The following SGCZ variants were observed in gnomAD, a reference collection of about 807,000 sequenced individuals.
The protein encoded by SGCZ is sarcoglycan zeta, also known as zeta-sarcoglycan.
In SGCZ, 40 loss-of-function variants were observed where a neutral mutation model predicts 41.3. The observed-to-expected ratio is 0.97, with a 90% CI of 0.75 to 1.26. The LOEUF is 1.26. Among genes scored for constraint, SGCZ ranks in the 50% most tolerant of loss-of-function variants. SGCZ has a pLI of 0.00. For missense variants in SGCZ, 552 were observed against 369.8 expected, an observed-to-expected ratio of 1.49 and a Z score of -4.04; for synonymous variants, 206 against 137.5, an observed-to-expected ratio of 1.50 and a Z score of -3.49.
chr8:14,842,494 AGAAAGGAAG>A (rs1802958124), intron 1 of SGCZ, among the ~76,000 whole-genome samples: 1 of 151,176 alleles, frequency 6.6e-6, no homozygotes, highest in South Asian at 2.1e-4. Flanking sequence ...AAAGGAAGGA[AGAAAGGAAG>A]GAAAGGAAGG....
At chr8:14,982,157 C>CA (rs10710626) in intron 1 of SGCZ, among the ~76,000 whole-genome samples, 19 of 138,580 alleles carry the variant, frequency 1.4e-4, no homozygotes, top group Admixed American at 2.9e-4. Flanking sequence ...GACTCTGTCT[C>CA]AAAAAAAAAA....
chr8:15,101,090 T>G (rs1398927916), intron 1 of SGCZ, among the ~76,000 whole-genome samples: 1 of 152,174 alleles, frequency 6.6e-6, no homozygotes, highest in Non-Finnish European at 1.5e-5. Flanking sequence ...ACTTATACTT[T>G]TCATACATAT....
chr8:14,784,504 T>A (rs988333406), intron 1 of SGCZ, among the ~76,000 whole-genome samples: 3 of 152,120 alleles, frequency 2.0e-5, no homozygotes, highest in Admixed American at 1.3e-4. Context: ...TAACTCATAA[T>A]GGTCTCTGAG....
At chr8:14,492,390 G>C (rs926858349) in intron 2 of SGCZ, among the ~76,000 whole-genome samples, 1 of 152,096 alleles carries the variant, frequency 6.6e-6, no homozygotes, top group African/African-American at 2.4e-5. Context: ...TTACTGCACA[G>C]TGCTTATTAT....
intron 2 of SGCZ, among the ~76,000 whole-genome samples, chr8:14,347,310 G>A (rs1411550021): frequency 1.3e-5 from 2 of 152,008 alleles, no homozygotes; most frequent in Admixed American, 6.6e-5. Context: ...TTTTACTGAG[G>A]ATTCCTACAA....
intron 1 of SGCZ, among the ~76,000 whole-genome samples, chr8:14,760,849 G>A (rs1419203576): frequency 6.6e-6 from 1 of 152,066 alleles, no homozygotes; most frequent in Non-Finnish European, 1.5e-5. Context: ...TTAATTGAGG[G>A]CCCTGTTTCC....
chr8:15,211,112 G>C (rs1439049117), intron 1 of SGCZ, among the ~76,000 whole-genome samples: 1 of 149,006 alleles, frequency 6.7e-6, no homozygotes, highest in African/African-American at 2.5e-5. Flanking sequence ...GCTATATCTA[G>C]ATATTGATGT....
At chr8:14,846,407 T>C (rs916478119) in intron 1 of SGCZ, among the ~76,000 whole-genome samples, 2 of 152,010 alleles carry the variant, frequency 1.3e-5, no homozygotes, top group Non-Finnish European at 2.9e-5. Flanking sequence ...GATCTCTGAA[T>C]AGATAAGTTA....
At chr8:15,120,357 C>T (rs1386408343) in intron 1 of SGCZ, among the ~76,000 whole-genome samples, 1 of 152,098 alleles carries the variant, frequency 6.6e-6, no homozygotes, top group Non-Finnish European at 1.5e-5. Flanking sequence ...TATCAAAATC[C>T]TATACAGGTA....
chr8:15,127,812 C>G (rs980728896), intron 1 of SGCZ, among the ~76,000 whole-genome samples: 1 of 152,130 alleles, frequency 6.6e-6, no homozygotes, highest in Middle Eastern at 3.4e-3. Context: ...AAAAGAAATT[C>G]CAAAGGAGAG....
At chr8:14,202,059 G>A (rs1016442257) in intron 4 of SGCZ, among the ~76,000 whole-genome samples, 1 of 152,188 alleles carries the variant, frequency 6.6e-6, no homozygotes, top group African/African-American at 2.4e-5. Context: ...TACAATGGTT[G>A]CAGATAGAAT....
intron 4 of SGCZ, 114 bp downstream of exon 4, chr8:14,237,478 G>C: frequency 2.1e-6 from 2 of 964,038 alleles, no homozygotes; most frequent in Admixed American, 2.0e-5. Context: ...GTGAGACTCT[G>C]TCTCAAAACA....
chr8:14,614,539 A>C (rs1160195360), intron 1 of SGCZ, among the ~76,000 whole-genome samples: 2 of 152,176 alleles, frequency 1.3e-5, no homozygotes, highest in African/African-American at 4.8e-5. Context: ...TCTATTAAAG[A>C]CTATTTAATA....
intron 2 of SGCZ, among the ~76,000 whole-genome samples, chr8:14,511,232 G>C (rs1381909620): frequency 6.6e-6 from 1 of 151,768 alleles, no homozygotes; most frequent in African/African-American, 2.4e-5. Flanking sequence ...TCCCTGTAGG[G>C]AAAGCCTGTG....
At chr8:14,524,339 T>C (rs1456666914) in intron 2 of SGCZ, among the ~76,000 whole-genome samples, 1 of 152,014 alleles carries the variant, frequency 6.6e-6, no homozygotes, top group Non-Finnish European at 1.5e-5. Context: ...AAGTTCTCAC[T>C]GCTCCTGGAT....
rs1298658294 is a variant in SGCZ at position 14,485,738 on chromosome 8, C to A, written c.234+68994G>T. Among the ~76,000 whole-genome samples, 6 of 152,222 alleles carry A rather than the reference C, an allele frequency of 3.9e-5. No individual in the cohort carries two copies. The South Asian group carries it at 1.2e-3, about 32-fold the overall frequency. ...AATTGGTCTATCTTTCCTCAACTCT[C>A]ACTAGACACATGCAACACAGCCAGC... is the stretch of plus-strand genomic sequence containing the variant. On this transcript the variant is annotated intron_variant, in intron 2 of 7. Coordinates refer to ENST00000382080, the MANE Select transcript of SGCZ (RefSeq NM_139167.4).
intron 1 of SGCZ, among the ~76,000 whole-genome samples, chr8:15,220,496 G>A (rs1453548677): frequency 6.6e-6 from 1 of 152,096 alleles, no homozygotes; most frequent in Non-Finnish European, 1.5e-5. Context: ...TAAAATCAGA[G>A]ATAAGAGGAT....
At chr8:14,956,955 A>C (rs1261740930) in intron 1 of SGCZ, among the ~76,000 whole-genome samples, 1 of 152,136 alleles carries the variant, frequency 6.6e-6, no homozygotes, top group Admixed American at 6.5e-5. Flanking sequence ...CTGTGTGTAT[A>C]TACAGACAGA....
intron 2 of SGCZ, among the ~76,000 whole-genome samples, chr8:14,374,239 C>T (rs141868797): frequency 0.021 from 3,148 of 152,072 alleles, 84 homozygotes; most frequent in African/African-American, 0.056. Context: ...ATTAGCTGGG[C>T]GTGGTGGTGC....
Sources: allele counts gnomAD v4.1 joint callset (sites outside exome capture counted in the v4.1 genomes callset), GRCh38; gene constraint gnomAD v4.1.1; transcripts MANE v1.5; gene names NCBI Gene and HGNC (gene_info 2026-07-23, HGNC 2026-07-21).